DNASE1: variants seen among roughly 807,000 people sequenced by gnomAD.
The protein encoded by DNASE1 is deoxyribonuclease 1, also known as deoxyribonuclease-1.
In DNASE1, 40 loss-of-function variants were observed where a neutral mutation model predicts 33.9. The ratio of observed to expected loss-of-function variants is 1.18; its 90% CI spans 0.92 to 1.54. The LOEUF (loss-of-function observed/expected upper bound fraction) is 1.54. Among genes scored for constraint, DNASE1 ranks in the 40% most tolerant of loss-of-function variants. DNASE1 has a pLI of 0.00. For missense variants in DNASE1, 518 were observed against 372.6 expected (o/e 1.39, Z -3.21); for synonymous variants, 216 against 160.0 (o/e 1.35, Z -2.64).
chr16:3,622,750 C>T (rs371902839), intron 1 of DNASE1, among the ~76,000 whole-genome samples: 5 of 152,136 alleles, frequency 3.3e-5, no homozygotes, highest in African/African-American at 1.2e-4. Flanking sequence ...CTGTACCTGG[C>T]TTGGCTTTGA....
chr16:3,623,387 A>G (rs1483631070), intron 1 of DNASE1, among the ~76,000 whole-genome samples: 2 of 152,194 alleles, frequency 1.3e-5, no homozygotes, highest in Admixed American at 1.3e-4. Context: ...CTTAGAAGAA[A>G]CCCTAGGAAA....
intron 1 of DNASE1, among the ~76,000 whole-genome samples, chr16:3,621,516 A>C (rs1451707822): frequency 2.0e-5 from 3 of 152,184 alleles, no homozygotes; most frequent in Non-Finnish European, 4.4e-5. Flanking sequence ...TTCTTGAAAT[A>C]TTCCAGATAA....
At chr16:3,617,326 C>CCAAAAAAAAAAAAAAAAAAAA (rs2041140939) in intron 1 of DNASE1, among the ~76,000 whole-genome samples, 1 of 57,724 alleles carries the variant, frequency 1.7e-5, no homozygotes, top group African/African-American at 7.7e-5. Flanking sequence ...AACTCCATCT[C>CCAAAAAAAAAAAAAAAAAAAA]AAAAAAAAAA....
At chr16:3,662,254 C>T, downstream of DNASE1, 2 of 1,205,266 alleles carry the variant, frequency 1.7e-6, no homozygotes, top group Non-Finnish European at 2.3e-6. Flanking sequence ...CAAGGACTCC[C>T]CTGGACCAGC....
intron 1 of DNASE1, among the ~76,000 whole-genome samples, chr16:3,624,914 C>T (rs56180222): frequency 1.6e-4 from 25 of 152,036 alleles, no homozygotes; most frequent in African/African-American, 4.6e-4. Context: ...TGCCCAGGCT[C>T]GTCTCGAACT....
Position 3,657,487 on chromosome 16 carries a change from G to A in DNASE1, c.704+146G>A, listed in dbSNP as rs188386670. On this transcript the variant is annotated intron_variant, in intron 7 of 8. Transcript: ENST00000246949. ...TCCACTACAGGGAACAGAATAACAA[G>A]AGCCACGATTTTTAGGTTTTTTCGG... 7.3e-4 allele frequency: 953 copies of A among 1,297,008 alleles called. 2 individuals are homozygous for A. The highest frequency in any genetic ancestry group is 1.3e-3 in the Admixed American group (54 of 42,464). 80.3% of individuals were successfully genotyped at this position (1,297,008 alleles called of 1,614,324 possible). A position where few individuals can be genotyped will look rare whatever the true frequency, so the allele number is the denominator to read the frequency against.
upstream of DNASE1, chr16:3,652,713 T>C (rs1216596411): frequency 6.6e-6 from 1 of 152,332 alleles, no homozygotes; most frequent in African/African-American, 2.4e-5. Flanking sequence ...GGAGGGTGGT[T>C]TACCTTCCTG....
chr16:3,643,920 C>T (rs2042096624), intron 1 of DNASE1, among the ~76,000 whole-genome samples: 1 of 152,034 alleles, frequency 6.6e-6, no homozygotes, highest in South Asian at 2.1e-4. Context: ...GCCATCATGC[C>T]CGGCTAATTT....
upstream of DNASE1, chr16:3,654,399 A>G: frequency 2.5e-6 from 1 of 398,716 alleles, no homozygotes; most frequent in Non-Finnish European, 4.4e-6. Context: ...ATGGCGATGA[A>G]TCAGGAAGGC....
chr16:3,612,590 GC>G (rs2040931093), intron 1 of DNASE1, among the ~76,000 whole-genome samples: 1 of 139,168 alleles, frequency 7.2e-6, no homozygotes, highest in Non-Finnish European at 1.6e-5. Flanking sequence ...GGCGGTGGGG[GC>G]GGGGGGGGGA....
chr16:3,622,367 C>T (rs1458247146), intron 1 of DNASE1, among the ~76,000 whole-genome samples: 1 of 151,986 alleles, frequency 6.6e-6, no homozygotes, highest in African/African-American at 2.4e-5. Context: ...TGTAGCTTTA[C>T]TTTACATTTC....
upstream of DNASE1, among the ~76,000 whole-genome samples, chr16:3,639,696 T>C (rs1355902674): frequency 6.6e-6 from 1 of 152,262 alleles, no homozygotes; most frequent in Non-Finnish European, 1.5e-5. Flanking sequence ...ATGTGGTTTC[T>C]GTCCCCTGGT....
chr16:3,613,195 C>T (rs2040971419), intron 1 of DNASE1, among the ~76,000 whole-genome samples: 1 of 152,024 alleles, frequency 6.6e-6, no homozygotes, highest in South Asian at 2.1e-4. Flanking sequence ...TGTGGTTTTG[C>T]GTATTCAGTA....
chr16:3,656,566 C>T, intron 4 of DNASE1, 72 bp from the exon 5 acceptor site: 4 of 1,383,974 alleles, frequency 2.9e-6, no homozygotes, highest in East Asian at 2.5e-5. Context: ...GACGCGACGC[C>T]TGCCTCCTGG....
At chr16:3,616,866 G>T (rs139758285) in intron 1 of DNASE1, among the ~76,000 whole-genome samples, 2 of 152,262 alleles carry the variant, frequency 1.3e-5, no homozygotes, top group African/African-American at 4.8e-5. Flanking sequence ...AATTGATTTT[G>T]TCCGGGATGC....
intron 1 of DNASE1, among the ~76,000 whole-genome samples, chr16:3,647,215 T>C (rs2042199559): frequency 6.6e-6 from 1 of 152,192 alleles, no homozygotes; most frequent in Admixed American, 6.5e-5. Flanking sequence ...CTGGCAGTAT[T>C]GCTTTAAAAG....
chr16:3,639,637 T>C (rs909939894), upstream of DNASE1, among the ~76,000 whole-genome samples: 3 of 152,242 alleles, frequency 2.0e-5, no homozygotes, highest in Non-Finnish European at 4.4e-5. Context: ...GTCAACTCCC[T>C]GTAAATAGTT....
chr16:3,663,681 G>C (rs761514150), exon 10 of DNASE1: 2 of 1,309,246 alleles, frequency 1.5e-6, no homozygotes, highest in East Asian at 2.4e-5. Context: ...GGAACACCGG[G>C]GCAGTTGGGG....
intron 1 of DNASE1, among the ~76,000 whole-genome samples, chr16:3,646,863 C>T (rs1057269289): frequency 2.0e-5 from 3 of 151,876 alleles, no homozygotes; most frequent in South Asian, 2.1e-4. Context: ...TGAGGGGGAG[C>T]GGGGCCTAGG....
Sources: gnomAD v4.1 joint callset for allele counts (sites outside exome capture counted in the v4.1 genomes callset) on GRCh38, gnomAD v4.1.1 for gene constraint, MANE v1.5 for transcripts, NCBI Gene and HGNC (gene_info 2026-07-23, HGNC 2026-07-21) for gene names.